NKD2: variants seen among roughly 807,000 people sequenced by gnomAD.
NKD2 encodes protein naked cuticle homolog 2.
NKD2 carries 43 observed loss-of-function variants against 34.8 expected under a neutral mutation model. The ratio of observed to expected loss-of-function variants is 1.24; its 90% CI spans 0.97 to 1.60. NKD2 has a LOEUF of 1.60. Ranked by LOEUF, NKD2 falls within the 40% of genes most tolerant of loss-of-function variation. NKD2 has a pLI of 0.00. For synonymous variants in NKD2, 278 were observed against 265.1 expected (o/e 1.05, Z -0.47); for missense variants, 675 against 627.1 (o/e 1.08, Z -0.82).
chr5:1,035,139 A>G (rs1454718907), intron 7 of NKD2, among the ~76,000 whole-genome samples: 1 of 147,864 alleles, frequency 6.8e-6, no homozygotes. Flanking sequence ...CAAGTGAGTT[A>G]ATGAATGAAT....
intron 3 of NKD2, among the ~76,000 whole-genome samples, chr5:1,031,625 G>A (rs981743924): frequency 1.6e-4 from 25 of 152,230 alleles, no homozygotes; most frequent in African/African-American, 5.8e-4. Flanking sequence ...AACCATGTGA[G>A]CTTCGGCTCA....
chr5:1,021,795 A>G (rs116961707), intron 3 of NKD2, among the ~76,000 whole-genome samples: 1,628 of 152,044 alleles, frequency 0.011, 24 homozygotes, highest in East Asian at 0.046. Context: ...CCCCCCTCCC[A>G]TGGTGACATT....
intron 3 of NKD2, among the ~76,000 whole-genome samples, chr5:1,026,883 G>T (rs575994088): frequency 1.3e-5 from 2 of 152,368 alleles, no homozygotes; most frequent in East Asian, 3.9e-4. Context: ...AGCTTGGCAG[G>T]CGCCTACCTT....
chr5:1,029,248 A>G (rs1474773012), intron 3 of NKD2, among the ~76,000 whole-genome samples: 1 of 152,146 alleles, frequency 6.6e-6, no homozygotes, highest in African/African-American at 2.4e-5. Context: ...TGAGAATTCT[A>G]GGGAATAAGG....
chr5:1,014,745 C>T (rs987873604), intron 3 of NKD2, among the ~76,000 whole-genome samples: 1 of 152,230 alleles, frequency 6.6e-6, no homozygotes, highest in African/African-American at 2.4e-5. Flanking sequence ...GCCAAGGGCT[C>T]CTGTCCTCCA....
intron 7 of NKD2, 62 bp downstream of exon 7, chr5:1,034,965 G>C: frequency 1.4e-6 from 2 of 1,479,496 alleles, no homozygotes; most frequent in Non-Finnish European, 1.8e-6. Flanking sequence ...CCTAAGCTGT[G>C]TGCGCGGGAC....
At chr5:1,031,089 TG>T (rs889425171) in intron 3 of NKD2, among the ~76,000 whole-genome samples, 1 of 151,914 alleles carries the variant, frequency 6.6e-6, no homozygotes, top group Non-Finnish European at 1.5e-5. Flanking sequence ...AGGAGGCGCT[TG>T]GGGGGGTCCA....
Position 1,038,593 on chromosome 5 carries a change from C to A in NKD2, c.*220C>A, listed in dbSNP as rs1160304116. 3.4e-6 allele frequency: 3 copies of A among 894,748 alleles called. No individual in the cohort carries two copies. The highest frequency in any genetic ancestry group is 1.5e-5 in the South Asian group (1 of 68,284). 55.4% of individuals were successfully genotyped at this position (894,748 alleles called of 1,614,324 possible). On this transcript the variant is annotated 3_prime_UTR_variant, in exon 10 of 10. Transcript: ENST00000296849. This position sits in a 1 kb window ranked among gnomAD's most constrained non-coding sequence, Gnocchi z 4.5. ...GCCCTCTGCTCTTCTGCCCTCGATG[C>A]CACATGGCGGTGAACACATCTGAAG...
intron 3 of NKD2, among the ~76,000 whole-genome samples, chr5:1,029,810 C>T (rs1756568493): frequency 1.3e-5 from 2 of 152,222 alleles, no homozygotes; most frequent in African/African-American, 4.8e-5. Flanking sequence ...TGCTGCCCCT[C>T]ATCTGGGCAG....
At chr5:1,016,100 C>A (rs938055269) in intron 3 of NKD2, among the ~76,000 whole-genome samples, 1 of 152,238 alleles carries the variant, frequency 6.6e-6, no homozygotes, top group African/African-American at 2.4e-5. Flanking sequence ...AGCAGGATCC[C>A]CCCCCACACC....
chr5:1,034,412 G>C, intron 6 of NKD2, 82 bp downstream of exon 6: 1 of 1,127,448 alleles, frequency 8.9e-7, no homozygotes, highest in African/African-American at 1.5e-5. Flanking sequence ...CGATACCTCA[G>C]GGGGCAGGAG....
At chr5:1,037,462 A>G (rs907172192) in intron 9 of NKD2, 3 of 1,468,932 alleles carry the variant, frequency 2.0e-6, no homozygotes, top group African/African-American at 2.8e-5. Context: ...AGGGGATGCG[A>G]ATCCTGGGGG....
At chr5:1,028,934 G>A (rs1293273638) in intron 3 of NKD2, among the ~76,000 whole-genome samples, 7 of 152,194 alleles carry the variant, frequency 4.6e-5, no homozygotes, top group Admixed American at 4.6e-4. Flanking sequence ...AGGCCTGCTG[G>A]GATCCTGTGT....
In NKD2 at chr5:1,036,287, G is replaced by A. The variant is rs1046100020; in HGVS notation, c.690G>A (p.Ser230=). ...CCAGTACTGACCCCCAGCCCTGCTC[G>A]GAGCGGGGGCCCTACTGCGTGGACG... ...RRPSTDPQPC[S]ERGPYCVDEN... is the part of the protein sequence containing the mutation. Residue 230 remains serine (S), a synonymous_variant, in exon 9 of 10, where the codon TCG becomes TCA. Transcript: ENST00000296849. The A allele has an allele frequency of 1.4e-5, 22 of 1,611,624 alleles. No homozygotes were observed. The highest frequency in any genetic ancestry group is 4.0e-5 in the African/African-American group (3 of 74,858).
chr5:1,031,267 C>A (rs1756635294), intron 3 of NKD2, among the ~76,000 whole-genome samples: 1 of 152,148 alleles, frequency 6.6e-6, no homozygotes, highest in Non-Finnish European at 1.5e-5. Flanking sequence ...GAGGGCAGTC[C>A]CAGCTGGGCA....
intron 7 of NKD2, 108 bp downstream of exon 7, chr5:1,035,011 G>A: frequency 9.4e-7 from 1 of 1,063,702 alleles, no homozygotes; most frequent in Non-Finnish European, 1.3e-6. Context: ...GGAGTGAGTG[G>A]GTGAATGGAT....
intron 3 of NKD2, among the ~76,000 whole-genome samples, chr5:1,011,716 A>G (rs1008089375): frequency 1.3e-5 from 2 of 152,200 alleles, no homozygotes; most frequent in Non-Finnish European, 2.9e-5. Flanking sequence ...CCCCCAAAAT[A>G]ACACAAATGA....
At chr5:1,021,939 C>T (rs1029915795) in intron 3 of NKD2, among the ~76,000 whole-genome samples, 1 of 152,192 alleles carries the variant, frequency 6.6e-6, no homozygotes, top group African/African-American at 2.4e-5. Flanking sequence ...CTCCGGGCCC[C>T]TCCCCCAGGG....
rs1238492691 is a variant in NKD2 at position 1,033,515 on chromosome 5, G to A, written c.330+16G>A. The A allele has an allele frequency of 6.5e-7, 1 of 1,540,500 alleles. No homozygotes were observed. On this transcript the variant is annotated intron_variant, in intron 5 of 9. Coordinates refer to ENST00000296849, the MANE Select transcript of NKD2 (RefSeq NM_033120.4). ...CAACATTGACGTGGGTCTCTCTCCG[G>A]CCTCACTTGCGGGAACACGTCCCTG...
Sources: gnomAD v4.1 joint callset for allele counts (sites outside exome capture counted in the v4.1 genomes callset) on GRCh38, gnomAD v4.1.1 for gene constraint, Gnocchi (gnomAD v3.1) non-coding constraint, MANE v1.5 for transcripts, NCBI Gene and HGNC (gene_info 2026-07-23, HGNC 2026-07-21) for gene names.